Variants in LSAMP observed in about 807,000 individuals in gnomAD.
The protein encoded by LSAMP is limbic system associated membrane protein.
A neutral mutation model predicts 38.6 loss-of-function variants in LSAMP; 7 were observed. The observed-to-expected ratio is 0.18, with a 90% confidence interval of 0.10 to 0.34. The LOEUF (loss-of-function observed/expected upper bound fraction) is 0.34. LSAMP is among the 10% of genes least tolerant of loss of function. The pLI is 1.00. For synonymous variants in LSAMP, 154 were observed against 166.8 expected (o/e 0.92, Z 0.59); for missense variants, 313 against 420.0 (o/e 0.75, Z 2.23).
intron 3 of LSAMP, among the ~76,000 whole-genome samples, chr3:116,007,574 A>C (rs773159177): frequency 6.6e-6 from 1 of 152,192 alleles, no homozygotes. Context: ...ATTTCTGTGC[A>C]GTTGTTACTT....
chr3:116,052,138 A>G (rs1038168905), intron 2 of LSAMP, among the ~76,000 whole-genome samples: 1 of 152,226 alleles, frequency 6.6e-6, no homozygotes, highest in African/African-American at 2.4e-5. Flanking sequence ...CCAACAATGA[A>G]TGCTTCACAA....
Position 116,086,566 on chromosome 3 carries a change from C to A in LSAMP, c.156-10G>T. 4 of 1,608,228 alleles carry A rather than the reference C, an allele frequency of 2.5e-6. No individual in the cohort carries two copies. Among genetic ancestry groups the A allele is most frequent in the South Asian group, 1.1e-5 (1 of 90,934 alleles). ...GTCTTCTACAACGCACCTGACAGAG[C>A]AGAGTAACAATATTAGTGCCTTAAC... On this transcript the variant is annotated splice_polypyrimidine_tract_variant and intron_variant, in intron 1 of 6. Coordinates refer to ENST00000490035, the MANE Select transcript of LSAMP (RefSeq NM_002338.5).
intron 1 of LSAMP, among the ~76,000 whole-genome samples, chr3:116,294,480 T>A (rs1412313122): frequency 6.6e-6 from 1 of 152,110 alleles, no homozygotes; most frequent in Non-Finnish European, 1.5e-5. Flanking sequence ...TGAAAATCAA[T>A]CTGAAATAAA....
In LSAMP at chr3:116,262,774, G is replaced by T. The variant is rs997953119; in HGVS notation, c.156-176218C>A. Among the ~76,000 whole-genome samples, 7 of 152,186 alleles carry T rather than the reference G, an allele frequency of 4.6e-5. 1 individual carries two copies. On this transcript the variant is annotated intron_variant, in intron 1 of 6. Transcript: ENST00000490035. ...GAAGGGGATATCATGTGCTTGAAAG[G>T]ACAGACAGAAGGAGGGAAAGGACAT...
At chr3:116,310,595 A>G (rs891658254) in intron 1 of LSAMP, among the ~76,000 whole-genome samples, 1 of 152,176 alleles carries the variant, frequency 6.6e-6, no homozygotes. Context: ...TCTGCCCAGA[A>G]AGATTCTTAA....
At chr3:116,030,913 T>C (rs1940903845) in intron 2 of LSAMP, among the ~76,000 whole-genome samples, 1 of 152,142 alleles carries the variant, frequency 6.6e-6, no homozygotes, top group East Asian at 1.9e-4. Context: ...CAGTAGGATT[T>C]AGCCCTAAAA....
intron 1 of LSAMP, among the ~76,000 whole-genome samples, chr3:116,302,409 A>C (rs951700036): frequency 2.0e-5 from 3 of 152,186 alleles, no homozygotes; most frequent in Non-Finnish European, 4.4e-5. Flanking sequence ...TTTTTCCAAC[A>C]GTTACTTAGA....
chr3:115,958,244 A>C (rs1004351409), intron 3 of LSAMP, among the ~76,000 whole-genome samples: 2 of 152,198 alleles, frequency 1.3e-5, no homozygotes, highest in Admixed American at 6.5e-5. Flanking sequence ...ATCAAGATTA[A>C]TATAACTTGA....
chr3:116,371,418 A>G (rs917178070), intron 1 of LSAMP, among the ~76,000 whole-genome samples: 4 of 152,128 alleles, frequency 2.6e-5, no homozygotes, highest in African/African-American at 9.7e-5. Context: ...TAATATACAC[A>G]TTAACAAAAT....
At chr3:116,303,508 G>C (rs1644600639) in intron 1 of LSAMP, among the ~76,000 whole-genome samples, 2 of 152,082 alleles carry the variant, frequency 1.3e-5, no homozygotes, top group Admixed American at 1.3e-4. Flanking sequence ...TAGTATCTCT[G>C]AGATGAAAAC....
rs549341531 is a variant in LSAMP at position 116,261,265 on chromosome 3, T to C, written c.156-174709A>G. The stretch of plus-strand genomic sequence containing the variant: ...TTTTTGTTGTTGGTTTCTTCTTTCA[T>C]TTCCAGTTATCAGCATCTTTCTGAT... On this transcript the variant is annotated intron_variant, in intron 1 of 6. Transcript: ENST00000490035. 1.2e-4 allele frequency among the ~76,000 whole-genome samples: 18 copies of C among 152,342 alleles called. No homozygotes were observed. In the South Asian group the frequency reaches 3.7e-3, roughly 32 times the overall value.
At chr3:116,243,900 A>T (rs1313361677) in intron 1 of LSAMP, among the ~76,000 whole-genome samples, 1 of 152,228 alleles carries the variant, frequency 6.6e-6, no homozygotes, top group African/African-American at 2.4e-5. Flanking sequence ...CTAAATTATT[A>T]ATCTGGGCAG....
At chr3:115,871,753 A>G (rs755920513) in intron 3 of LSAMP, among the ~76,000 whole-genome samples, 1 of 152,042 alleles carries the variant, frequency 6.6e-6, no homozygotes. Flanking sequence ...GAAGCTTTGT[A>G]AGACTCTAGG....
chr3:115,890,829 C>T (rs1238861439), intron 3 of LSAMP, among the ~76,000 whole-genome samples: 2 of 151,822 alleles, frequency 1.3e-5, no homozygotes, highest in Non-Finnish European at 2.9e-5. Flanking sequence ...CCAGGGCAGT[C>T]TCAGTCTGAA....
At chr3:115,934,845 A>T (rs1937644678) in intron 3 of LSAMP, among the ~76,000 whole-genome samples, 1 of 152,296 alleles carries the variant, frequency 6.6e-6, no homozygotes, top group South Asian at 2.1e-4. Flanking sequence ...TAGGCATATT[A>T]CATCTAGGAA....
At chr3:115,893,622 T>C (rs1432418962) in intron 3 of LSAMP, among the ~76,000 whole-genome samples, 1 of 152,012 alleles carries the variant, frequency 6.6e-6, no homozygotes, top group Non-Finnish European at 1.5e-5. Flanking sequence ...GTCTCTTTAT[T>C]TGCTCTATAA....
rs59321353 is a variant in LSAMP, at chr3:116,148,116, CTT to C, written c.156-61562_156-61561del. On this transcript the variant is annotated intron_variant, in intron 1 of 6. Transcript: ENST00000490035. ...TTTGCTTGTTCTACAAAAACATGTGCTTTTTTTTTTTTTAATTCATGAGGAAT... is the reference window on the plus strand; with the variant it reads ...TTTGCTTGTTCTACAAAAACATGTGCTTTTTTTTTTTAATTCATGAGGAAT... Among the ~76,000 whole-genome samples, 121 of 142,012 alleles carry C rather than the reference CTT, an allele frequency of 8.5e-4. 1 individual carries two copies. The highest frequency in any genetic ancestry group is 3.8e-3 in the South Asian group (17 of 4,454). The allele number at this position is 142,012 out of a possible 152,430, so 93.2% of individuals were successfully genotyped here. A position where few individuals can be genotyped will look rare whatever the true frequency, so the allele number is the denominator to read the frequency against.
At chr3:115,925,680 T>G (rs1937482939) in intron 3 of LSAMP, among the ~76,000 whole-genome samples, 2 of 152,216 alleles carry the variant, frequency 1.3e-5, no homozygotes, top group South Asian at 4.1e-4. Flanking sequence ...GTTCTTTGAA[T>G]TAAACACTGA....
At position 115,898,459 on chromosome 3, in the gene LSAMP, A is replaced by T. The variant is rs554539858; in HGVS notation, c.515-45842T>A. ...TCTTTTTGTTTTGGGCATCCTAAGGATTTTCTAGAAAGAGCTGAATCTCCA... is the reference window on the plus strand; with the variant it reads ...TCTTTTTGTTTTGGGCATCCTAAGGTTTTTCTAGAAAGAGCTGAATCTCCA... On this transcript the variant is annotated intron_variant, in intron 3 of 6. Coordinates refer to ENST00000490035, the MANE Select transcript of LSAMP (RefSeq NM_002338.5). Among the ~76,000 whole-genome samples the T allele has an allele frequency of 1.8e-4, 27 of 152,034 alleles. No homozygotes were observed. In the South Asian group the frequency reaches 5.6e-3, roughly 32 times the overall value.
Sources: allele counts gnomAD v4.1 joint callset (sites outside exome capture counted in the v4.1 genomes callset), GRCh38; gene constraint gnomAD v4.1.1; transcripts MANE v1.5; gene names NCBI Gene and HGNC (gene_info 2026-07-23, HGNC 2026-07-21).